Variants in MTCL2 observed in about 807,000 individuals in gnomAD.
MTCL2 encodes microtubule crosslinking factor 2.
chr20:36,803,956 CAAAAAA>C, the MTCL2 span, among the ~76,000 whole-genome samples: 17 of 43,060 alleles, frequency 3.9e-4, no homozygotes, highest in African/African-American at 6.1e-4. Flanking sequence ...GATGCCGTCT[CAAAAAA>C]AAAAAAAAAA....
chr20:36,794,387 T>A, the MTCL2 span: 30 of 1,612,952 alleles, frequency 1.9e-5, no homozygotes, highest in Non-Finnish European at 2.5e-5. The surrounding 1 kb of genome is among the most constrained non-coding windows in gnomAD (Gnocchi z 5.4). Context: ...CCCTGGGGGG[T>A]CCTGGCAGGC....
the MTCL2 span, among the ~76,000 whole-genome samples, chr20:36,862,504 G>A: frequency 1.3e-5 from 2 of 152,334 alleles, no homozygotes; most frequent in East Asian, 3.9e-4. Flanking sequence ...GGGAATGAGG[G>A]AGCCCCAGAT....
At chr20:36,810,076 G>A in the MTCL2 span, 86 of 1,598,380 alleles carry the variant, frequency 5.4e-5, no homozygotes, top group Non-Finnish European at 7.3e-5. Context: ...GCTGTCGTGG[G>A]CCTCAGCCAG....
At chr20:36,795,428 C>A in the MTCL2 span, among the ~76,000 whole-genome samples, 344 of 152,230 alleles carry the variant, frequency 2.3e-3, no homozygotes, top group East Asian at 1.5e-3. Flanking sequence ...AAACTGCATA[C>A]TCTGAACTGC....
the MTCL2 span, among the ~76,000 whole-genome samples, chr20:36,837,837 A>C: frequency 1.3e-5 from 2 of 152,098 alleles, no homozygotes; most frequent in Non-Finnish European, 2.9e-5. Context: ...TCGGCCTCCC[A>C]AAGTGCTGGG....
chr20:36,784,917 T>C, the MTCL2 span: 4 of 985,382 alleles, frequency 4.1e-6, no homozygotes, highest in African/African-American at 5.2e-5. Flanking sequence ...TCCTGTGAGT[T>C]CTCATTTGGG....
chr20:36,839,524 T>C, the MTCL2 span: 1 of 1,263,364 alleles, frequency 7.9e-7, no homozygotes, highest in Non-Finnish European at 1.1e-6. The surrounding 1 kb of genome is among the most constrained non-coding windows in gnomAD (Gnocchi z 5.1). Flanking sequence ...TAGGACTGAA[T>C]GAAGCACCGT....
the MTCL2 span, chr20:36,783,542 G>T: frequency 6.2e-6 from 1 of 160,630 alleles, no homozygotes; most frequent in Non-Finnish European, 1.3e-5. Flanking sequence ...GACTTTGGTT[G>T]AAGAGAGAGT....
the MTCL2 span, among the ~76,000 whole-genome samples, chr20:36,845,125 A>G: frequency 7.2e-5 from 11 of 152,350 alleles, no homozygotes; most frequent in South Asian, 2.3e-3. Context: ...TGGACCAGTA[A>G]CATCAGCATC....
the MTCL2 span, chr20:36,805,714 T>G: frequency 1.4e-6 from 1 of 696,996 alleles, no homozygotes; most frequent in African/African-American, 1.8e-5. Flanking sequence ...TGGACTCTGT[T>G]ACTGCCCTGG....
the MTCL2 span, among the ~76,000 whole-genome samples, chr20:36,860,444 C>T: frequency 1.3e-5 from 2 of 152,180 alleles, no homozygotes; most frequent in Non-Finnish European, 2.9e-5. Flanking sequence ...CAGCTGTATC[C>T]CAGATCTGCC....
the MTCL2 span, chr20:36,784,733 G>A: frequency 4.1e-6 from 4 of 985,482 alleles, no homozygotes; most frequent in African/African-American, 7.0e-5. Flanking sequence ...GGGGACGTGA[G>A]GAAGGGCGGG....
chr20:36,823,539 G>A, the MTCL2 span, among the ~76,000 whole-genome samples: 1 of 152,144 alleles, frequency 6.6e-6, no homozygotes, highest in Admixed American at 6.5e-5. Context: ...GGGTACGATG[G>A]CTCATGCCTG....
chr20:36,851,393 G>A, the MTCL2 span, among the ~76,000 whole-genome samples: 1 of 152,272 alleles, frequency 6.6e-6, no homozygotes, highest in Non-Finnish European at 1.5e-5. Context: ...ACAGCATACA[G>A]GCCCTGCCTG....
chr20:36,846,559 G>A, the MTCL2 span, among the ~76,000 whole-genome samples: 1 of 152,196 alleles, frequency 6.6e-6, no homozygotes, highest in Non-Finnish European at 1.5e-5. Flanking sequence ...AAAATCTGAA[G>A]AAGGTAGACG....
chr20:36,808,785 C>G, the MTCL2 span: 1 of 1,516,472 alleles, frequency 6.6e-7, no homozygotes, highest in Non-Finnish European at 8.9e-7. Flanking sequence ...GGGCCCTGTC[C>G]TCTCCCCCAC....
chr20:36,815,751 A>G, the MTCL2 span: 6 of 1,591,520 alleles, frequency 3.8e-6, no homozygotes, highest in South Asian at 6.8e-5. This position sits in a 1 kb window ranked among gnomAD's most constrained non-coding sequence, Gnocchi z 5.3. Flanking sequence ...TTCGCTGAGC[A>G]CAGAACAACT....
At chr20:36,831,921 A>G in the MTCL2 span, among the ~76,000 whole-genome samples, 2 of 152,182 alleles carry the variant, frequency 1.3e-5, no homozygotes, top group African/African-American at 4.8e-5. Context: ...TCCATTCATT[A>G]ACTCACTCAT....
chr20:36,785,946 A>C, the MTCL2 span: 1 of 988,284 alleles, frequency 1.0e-6, no homozygotes, highest in Non-Finnish European at 1.2e-6. Context: ...TGGGAGGAGG[A>C]GGTGGTGGAG....
Sources: allele counts gnomAD v4.1 joint callset (sites outside exome capture counted in the v4.1 genomes callset), GRCh38; gene constraint gnomAD v4.1.1; non-coding constraint Gnocchi (gnomAD v3.1); transcripts MANE v1.5; gene names NCBI Gene and HGNC (gene_info 2026-07-23, HGNC 2026-07-21).